The following SYNE1 variants were observed in gnomAD, a reference collection of about 807,000 sequenced individuals.
SYNE1 encodes the protein nesprin-1.
In SYNE1, 616 loss-of-function variants were observed where a neutral mutation model predicts 1,111.0. The ratio of observed to expected loss-of-function variants is 0.55; its 90% CI spans 0.52 to 0.59. The LOEUF is 0.59. SYNE1 is among the 20% of genes least tolerant of loss of function. SYNE1 has a pLI of 0.00. For synonymous variants in SYNE1, 3,855 were observed against 3,825.8 expected (o/e 1.01, Z -0.28); for missense variants, 10,006 against 10,417.0 (o/e 0.96, Z 1.72).
chr6:152,486,599 T>C (rs1176573311), intron 12 of SYNE1, among the ~76,000 whole-genome samples: 5 of 152,366 alleles, frequency 3.3e-5, no homozygotes, highest in Non-Finnish European at 5.9e-5. Flanking sequence ...ATATTCACTC[T>C]GTTCTTGCAA....
chr6:152,507,504 A>G lies in SYNE1; in HGVS notation c.582-2107T>C, dbSNP rs1400581033. Among the ~76,000 whole-genome samples, 5 of 152,108 alleles carry G rather than the reference A, an allele frequency of 3.3e-5. No homozygotes were observed. In the East Asian group the frequency reaches 5.8e-4, roughly 18 times the overall value. ...ATACACACACACTGTTTCCTATTGT[A>G]ACAGTTAAAGTAGTAGGTAATATTC... On this transcript the variant is annotated intron_variant, in intron 8 of 145. Coordinates refer to ENST00000367255, the MANE Select transcript of SYNE1 (RefSeq NM_182961.4).
At chr6:152,265,067 A>C (rs375994519) in intron 100 of SYNE1, among the ~76,000 whole-genome samples, 5 of 152,026 alleles carry the variant, frequency 3.3e-5, no homozygotes, top group East Asian at 3.9e-4. Flanking sequence ...TTAGCCAAGC[A>C]TAGTGGTGGG....
intron 130 of SYNE1, chr6:152,168,285 TGTATAGAA>T: frequency 1.6e-6 from 1 of 618,056 alleles, no homozygotes; most frequent in Non-Finnish European, 2.9e-6. Flanking sequence ...CCCTTGTCTG[TGTATAGAA>T]GTATGAAAAT....
intron 105 of SYNE1, among the ~76,000 whole-genome samples, chr6:152,247,730 TATA>T (rs2087663070): frequency 2.5e-5 from 2 of 81,178 alleles, no homozygotes; most frequent in African/African-American, 1.3e-4. Flanking sequence ...TTTTTTATTA[TATA>T]TATATATATA....
At chr6:152,203,799 G>C (rs530739825) in intron 126 of SYNE1, among the ~76,000 whole-genome samples, 3 of 151,926 alleles carry the variant, frequency 2.0e-5, no homozygotes, top group African/African-American at 7.3e-5. Flanking sequence ...GAACTTCTTA[G>C]AGTGCATAAC....
At chr6:152,194,249 T>G (rs184933043) in intron 127 of SYNE1, among the ~76,000 whole-genome samples, 169 of 152,302 alleles carry the variant, frequency 1.1e-3, no homozygotes, top group African/African-American at 3.9e-3. Flanking sequence ...TTTTCCTTCA[T>G]GATTGAAAGA....
At chr6:152,457,617 A>G (rs1036807291) in intron 22 of SYNE1, among the ~76,000 whole-genome samples, 6 of 152,230 alleles carry the variant, frequency 3.9e-5, no homozygotes, top group African/African-American at 1.4e-4. Context: ...AGGTTGTTTA[A>G]ACTGTCATAT....
At chr6:152,364,808 GTAA>G in intron 63 of SYNE1, 36 bp downstream of exon 63, 1 of 1,613,692 alleles carries the variant, frequency 6.2e-7, no homozygotes. Context: ...TGATCTTTTA[GTAA>G]TAGCTTCCCC....
At chr6:152,474,376 C>A (rs2098823682) in intron 14 of SYNE1, among the ~76,000 whole-genome samples, 1 of 152,082 alleles carries the variant, frequency 6.6e-6, no homozygotes, top group African/African-American at 2.4e-5. Context: ...AGATCACAGA[C>A]CTGTAGGCAA....
chr6:152,133,164 A>G (rs1326643540), intron 143 of SYNE1, 112 bp downstream of exon 143: 10 of 1,031,620 alleles, frequency 9.7e-6, no homozygotes, highest in Non-Finnish European at 1.5e-5. Flanking sequence ...CTGAAAGGAG[A>G]CACTCCATTC....
rs1064794555 is a variant in SYNE1, at chr6:152,331,359, G to GC, written c.13325dup (p.Gln4443ProfsTer31). The stretch of plus-strand genomic sequence containing the variant: ...CTTTGTTTAAGTACTTTCTTCGCTG[G>GC]CCCACTAAGTCACTGAGACAATTCA... On this transcript the variant is annotated frameshift_variant, in exon 78 of 146. Transcript: ENST00000367255. LOFTEE classifies it high-confidence loss of function. The GC allele has an allele frequency of 6.2e-7, 1 of 1,614,124 alleles. No individual in the cohort carries two copies. Among genetic ancestry groups the GC allele is most frequent in the Non-Finnish European group, 8.5e-7 (1 of 1,180,018 alleles).
At chr6:152,132,735 C>G (rs1293312486) in intron 143 of SYNE1, among the ~76,000 whole-genome samples, 1 of 152,138 alleles carries the variant, frequency 6.6e-6, no homozygotes, top group Admixed American at 6.5e-5. Flanking sequence ...CAGGATTTCA[C>G]AGCAGAATGG....
intron 127 of SYNE1, 33 bp from the exon 128 acceptor site, chr6:152,189,440 A>G (rs2071544919): frequency 6.2e-7 from 1 of 1,609,314 alleles, no homozygotes; most frequent in Non-Finnish European, 8.5e-7. Context: ...ATACCCACGG[A>G]CATCTCCTGC....
In SYNE1 at chr6:152,337,016, A is replaced by G. The variant is rs532838152; in HGVS notation, c.12353T>C (p.Ile4118Thr). ...CTGGGCCTGGACAAGCTTTTGTTCA[A>G]TCTTGAGAAAACACAGAGATAAAAG... is the stretch of plus-strand genomic sequence containing the variant. ...AKDIQQTEQT[I>T]EQKLVQAQNL... Residue 4118 changes from isoleucine (I) to threonine (T), a missense_variant and splice_region_variant, in exon 76 of 146, where the codon ATT becomes ACT. Physicochemically the swap from Ile to Thr is moderately conservative, Grantham distance 89. Around this residue, in one of 7 missense-constraint regions of SYNE1, gnomAD observed 4,955 missense variants for 5,017.2 expected, o/e 0.99. Transcript: ENST00000367255. The G allele has an allele frequency of 9.9e-6, 16 of 1,613,110 alleles. No homozygotes were observed. The East Asian group carries it at 1.3e-4, about 13-fold the overall frequency.
In SYNE1 at chr6:152,148,252, G is replaced by T; in HGVS notation, c.24769C>A (p.Leu8257Ile). 1 of 1,613,788 alleles carries T rather than the reference G, an allele frequency of 6.2e-7. No individual in the cohort carries two copies. Among genetic ancestry groups the T allele is most frequent in the Non-Finnish European group, 8.5e-7 (1 of 1,179,756 alleles). The change falls in exon 137 of 146, where the codon CTC becomes ATC. Residue 8257 changes from leucine to isoleucine, a missense_variant. Around this residue, in one of 7 missense-constraint regions of SYNE1, gnomAD observed 761 missense variants for 795.5 expected, o/e 0.96. Coordinates refer to ENST00000367255, the MANE Select transcript of SYNE1 (RefSeq NM_182961.4). This position sits in a 1 kb window ranked among gnomAD's most constrained non-coding sequence, Gnocchi z 4.1. ...AGGGGCTGAGCGAGCGAGAGGGAGA[G>T]ATTGGAGGAAGGCTGTGGAGAAAGC... ...SLLSPQPSSN[L>I]SLSLAQPLRS...
intron 34 of SYNE1, among the ~76,000 whole-genome samples, chr6:152,432,371 A>T (rs2098437076): frequency 6.6e-6 from 1 of 152,128 alleles, no homozygotes; most frequent in African/African-American, 2.4e-5. Context: ...CTAATAGACC[A>T]ATTTCCATAG....
chr6:152,226,731 G>A (rs969649390), intron 115 of SYNE1, among the ~76,000 whole-genome samples: 1 of 152,166 alleles, frequency 6.6e-6, no homozygotes, highest in African/African-American at 2.4e-5. Context: ...CCTGTCTTGG[G>A]TAAAAGAGCT....
At chr6:152,393,398 C>A (rs967542356) in intron 51 of SYNE1, among the ~76,000 whole-genome samples, 2 of 151,848 alleles carry the variant, frequency 1.3e-5, no homozygotes, top group African/African-American at 2.4e-5. Flanking sequence ...TATCTAGACA[C>A]GAGTCAACAT....
intron 36 of SYNE1, 62 bp downstream of exon 36, chr6:152,430,050 T>G: frequency 1.7e-6 from 2 of 1,182,886 alleles, no homozygotes; most frequent in Non-Finnish European, 2.5e-6. Context: ...TATTTTCTTT[T>G]CAAGTGGGAA....
Sources: gnomAD v4.1 joint callset for allele counts (sites outside exome capture counted in the v4.1 genomes callset) on GRCh38, gnomAD v4.1.1 for gene constraint, gnomAD v4.1.1 regional missense constraint, Gnocchi (gnomAD v3.1) non-coding constraint, MANE v1.5 for transcripts, NCBI Gene and HGNC (gene_info 2026-07-23, HGNC 2026-07-21) for gene names.